The following RRBP1 variants were observed in gnomAD, a reference collection of about 807,000 sequenced individuals.
RRBP1 encodes the protein ribosome-binding protein 1.
In RRBP1, 94 loss-of-function variants were observed where a neutral mutation model predicts 165.2. That is an observed-to-expected ratio of 0.57 (90% CI 0.48 to 0.68). The LOEUF (loss-of-function observed/expected upper bound fraction) is 0.68. RRBP1 is among the 30% of genes least tolerant of loss of function. The pLI, the probability that RRBP1 is intolerant of heterozygous loss-of-function variation, is 0.00. For missense variants in RRBP1, 1,676 were observed against 1,763.0 expected (o/e 0.95, Z 0.88); for synonymous variants, 680 against 714.5 (o/e 0.95, Z 0.77).
chr20:17,641,633 T>C, intron 5 of RRBP1, 164 bp downstream of exon 5: 1 of 853,366 alleles, frequency 1.2e-6, no homozygotes, highest in East Asian at 2.5e-5. Flanking sequence ...GGCCCTTGGC[T>C]CTTTAGGCAG....
chr20:17,663,226 C>G (rs1454474238), intron 2 of RRBP1, among the ~76,000 whole-genome samples: 1 of 152,182 alleles, frequency 6.6e-6, no homozygotes, highest in Non-Finnish European at 1.5e-5. Flanking sequence ...TGTTCACAGC[C>G]GAGGACTGTG....
In RRBP1 at chr20:17,659,044, C is replaced by T; in HGVS notation, c.1464G>A (p.Gln488=). The change falls in exon 3 of 25, where the codon CAG becomes CAA. Residue 488 remains glutamine (Q), a synonymous_variant. Coordinates refer to ENST00000377813, the MANE Select transcript of RRBP1 (RefSeq NM_001365613.2). ...TCTGAGCCCCCTCGGCCTTCTTGCCCTGGTTCTGGGCCCCCTCAGCCTTCT... is the reference window on the plus strand; with the variant it reads ...TCTGAGCCCCCTCGGCCTTCTTGCCTTGGTTCTGGGCCCCCTCAGCCTTCT... ...QGKKAEGAQN[Q]GKKAEGAQNQ... The T allele has an allele frequency of 6.4e-7, 1 of 1,560,278 alleles. No homozygotes were observed.
At chr20:17,661,150 A>G (rs2036759057) in intron 2 of RRBP1, among the ~76,000 whole-genome samples, 1 of 152,236 alleles carries the variant, frequency 6.6e-6, no homozygotes, top group Admixed American at 6.5e-5. Context: ...GCAGGCCCAC[A>G]GTGTGCCATC....
In RRBP1 at chr20:17,613,904, G is replaced by A. The variant is rs1002523300; in HGVS notation, c.*278C>T. On this transcript the variant is annotated 3_prime_UTR_variant, in exon 25 of 25. Transcript: ENST00000377813. ...AGCGCCCGGCCTCCCACACACCCACGGGGCTGTCAGAGTCAACCAGGGCTT... is the reference window on the plus strand; with the variant it reads ...AGCGCCCGGCCTCCCACACACCCACAGGGCTGTCAGAGTCAACCAGGGCTT... 18 of 348,588 alleles carry A rather than the reference G, an allele frequency of 5.2e-5. No individual in the cohort carries two copies. The highest frequency in any genetic ancestry group is 3.3e-4 in the Admixed American group (8 of 24,134). 21.6% of individuals were successfully genotyped at this position (348,588 alleles called of 1,614,324 possible). A position where few individuals can be genotyped will look rare whatever the true frequency, so the allele number is the denominator to read the frequency against.
chr20:17,625,612 CACA>C lies in RRBP1; in HGVS notation c.2964-13_2964-11del. On this transcript the variant is annotated splice_polypyrimidine_tract_variant and intron_variant, in intron 11 of 24. Coordinates refer to ENST00000377813, the MANE Select transcript of RRBP1 (RefSeq NM_001365613.2). Reference sequence around the variant, plus strand: ...CTCCAGCTCCTTGAGGCTGAAGGGACACAACGAGGTCACCGCCTAGGCTCCAAG... The same window carrying C: ...CTCCAGCTCCTTGAGGCTGAAGGGACACGAGGTCACCGCCTAGGCTCCAAG... 6.2e-7 allele frequency: 1 copy of C among 1,612,282 alleles called. No individual in the cohort carries two copies. The highest frequency in any genetic ancestry group is 1.3e-5 in the African/African-American group (1 of 75,014).
chr20:17,637,863 C>A (rs562879091), intron 5 of RRBP1, among the ~76,000 whole-genome samples: 92 of 151,878 alleles, frequency 6.1e-4, no homozygotes, highest in African/African-American at 2.2e-3. Flanking sequence ...AAGTGGGGGG[C>A]GGGATGAGCT....
At chr20:17,628,653 G>A (rs1488901090) in intron 9 of RRBP1, among the ~76,000 whole-genome samples, 1 of 152,220 alleles carries the variant, frequency 6.6e-6, no homozygotes, top group African/African-American at 2.4e-5. Flanking sequence ...TCTCCTTCCA[G>A]CCACACTTGT....
Position 17,660,325 on chromosome 20 carries a change from C to G in RRBP1, c.183G>C (p.Lys61Asn), listed in dbSNP as rs749674847. ...CTTTCTTCTCCACTGTTTTCTCCTTCTTTTTCTTCTCGACTTTCTGGTGGT... is the reference window on the plus strand; with the variant it reads ...CTTTCTTCTCCACTGTTTTCTCCTTGTTTTTCTTCTCGACTTTCTGGTGGT... ...KTHHQKVEKK[K>N]KEKTVEKKGK... Residue 61 changes from lysine to asparagine, a missense_variant, in exon 3 of 25, where the codon AAG becomes AAC. Physicochemically the swap from Lys to Asn is moderately conservative, Grantham distance 94. Transcript: ENST00000377813. 1 of 1,612,524 alleles carries G rather than the reference C, an allele frequency of 6.2e-7. No homozygotes were observed. The highest frequency in any genetic ancestry group is 8.5e-7 in the Non-Finnish European group (1 of 1,179,196).
chr20:17,656,255 T>C (rs2036644254), intron 3 of RRBP1, among the ~76,000 whole-genome samples: 1 of 152,204 alleles, frequency 6.6e-6, no homozygotes, highest in Non-Finnish European at 1.5e-5. Context: ...GCGGGCGGCA[T>C]GTTGGTGGCA....
At position 17,614,845 on chromosome 20, in the gene RRBP1, G is replaced by A. The variant is rs945728113; in HGVS notation, c.4086C>T (p.Asp1362=). 1.2e-6 allele frequency: 2 copies of A among 1,613,794 alleles called. No individual in the cohort carries two copies. Among genetic ancestry groups the A allele is most frequent in the Non-Finnish European group, 1.7e-6 (2 of 1,180,012 alleles). ...GCAGTCTCGTGGCGGCGCGCCCCAG[G>A]TCACTTGTTAACTTCTTCTCTTTTT... is the stretch of plus-strand genomic sequence containing the variant. ...RLEKEKKLTS[D]LGRAATRLQE... is the part of the protein sequence containing the mutation. The change falls in exon 24 of 25, where the codon GAC becomes GAT. Residue 1362 remains aspartate, a synonymous_variant. Coordinates refer to ENST00000377813, the MANE Select transcript of RRBP1 (RefSeq NM_001365613.2).
At chr20:17,634,664 G>C (rs2036215652) in intron 7 of RRBP1, among the ~76,000 whole-genome samples, 1 of 152,240 alleles carries the variant, frequency 6.6e-6, no homozygotes, top group African/African-American at 2.4e-5. Flanking sequence ...CATTAAGGAG[G>C]CCACAGCAGA....
rs2036046835 is a variant in RRBP1, at chr20:17,627,381, G to A, written c.2930C>T (p.Ala977Val). Residue 977 changes from alanine to valine, a missense_variant and splice_region_variant, in exon 11 of 25, where the codon GCC becomes GTC. This residue lies in a region of RRBP1 where 1,184 missense variants were observed against 1,167.1 expected (regional missense o/e 1.01). Coordinates refer to ENST00000377813, the MANE Select transcript of RRBP1 (RefSeq NM_001365613.2). ...CTGCTGGTCAGCCTCCGCCTGGCTG[G>A]CCTGGAATGAGAGACAAAAGCTCCT... ...GQARDAQDVQ[A>V]SQAEADQQQT... The A allele has an allele frequency of 6.2e-7, 1 of 1,613,984 alleles. No homozygotes were observed. Among genetic ancestry groups the A allele is most frequent in the Non-Finnish European group, 8.5e-7 (1 of 1,179,936 alleles).
intron 3 of RRBP1, among the ~76,000 whole-genome samples, chr20:17,649,055 T>C (rs1390633278): frequency 6.6e-6 from 1 of 152,200 alleles, no homozygotes; most frequent in Non-Finnish European, 1.5e-5. Context: ...CTCACACTGA[T>C]ACTTGGCTCG....
rs2036395558 is a variant in RRBP1 at position 17,643,033 on chromosome 20, C to T, written c.2007G>A (p.Arg669=). ...SMVFNEGEAQ[R]LIEILSEKAG... ...CCTTCTCAGACAGGATCTCGATGAG[C>T]CGCTGGGCCTCGCCCTCGTTGAACA... The change falls in exon 4 of 25, where the codon CGG becomes CGA. Residue 669 remains arginine, a synonymous_variant. Coordinates refer to ENST00000377813, the MANE Select transcript of RRBP1 (RefSeq NM_001365613.2). This position sits in a 1 kb window ranked among gnomAD's most constrained non-coding sequence, Gnocchi z 4.3. 2 of 1,614,106 alleles carry T rather than the reference C, an allele frequency of 1.2e-6. No homozygotes were observed. The highest frequency in any genetic ancestry group is 2.2e-5 in the South Asian group (2 of 91,080).
intron 23 of RRBP1, 47 bp downstream of exon 23, chr20:17,615,384 C>T (rs1667325312): frequency 1.3e-6 from 2 of 1,485,678 alleles, no homozygotes; most frequent in Non-Finnish European, 1.8e-6. Context: ...GGCGCCAGCC[C>T]CAGAGCAGAC....
Position 17,629,960 on chromosome 20 carries a change from G to A in RRBP1, c.2612C>T (p.Ala871Val), listed in dbSNP as rs571988938. 2.8e-5 allele frequency: 44 copies of A among 1,594,640 alleles called. No homozygotes were observed. In the Middle Eastern group the frequency reaches 5.0e-4, roughly 18 times the overall value. Reference sequence around the variant, plus strand: ...GGCCTCCTCACTCTCCCTGTGGGACGCCTGGGGACGGGCAGGGGAGTGGGG... The same window carrying A: ...GGCCTCCTCACTCTCCCTGTGGGACACCTGGGGACGGGCAGGGGAGTGGGG... The part of the protein sequence containing the change: ...AFEKQVLQLQ[A>V]SHRESEEALQ... Residue 871 changes from alanine to valine, a missense_variant and splice_region_variant, in exon 9 of 25, where the codon GCG becomes GTG. Transcript: ENST00000377813.
At chr20:17,625,464 C>G (rs753022688) in intron 12 of RRBP1, 48 bp downstream of exon 12, 1 of 1,546,814 alleles carries the variant, frequency 6.5e-7, no homozygotes, top group South Asian at 1.1e-5. Context: ...CCGGCCCCAC[C>G]TGTGCTTCCC....
intron 2 of RRBP1, among the ~76,000 whole-genome samples, chr20:17,679,500 G>GTGTC (rs1443815118): frequency 6.6e-6 from 1 of 152,146 alleles, no homozygotes; most frequent in Admixed American, 6.5e-5. Context: ...GATCCTCTAT[G>GTGTC]TGTCATTCAT....
intron 17 of RRBP1, 38 bp from the exon 18 acceptor site, chr20:17,620,408 C>T: frequency 6.4e-7 from 1 of 1,551,718 alleles, no homozygotes; most frequent in Non-Finnish European, 8.9e-7. Flanking sequence ...GACACGAGCA[C>T]CTGGGGGTGT....
Sources: gnomAD v4.1 joint callset for allele counts (sites outside exome capture counted in the v4.1 genomes callset) on GRCh38, gnomAD v4.1.1 for gene constraint, gnomAD v4.1.1 regional missense constraint, Gnocchi (gnomAD v3.1) non-coding constraint, MANE v1.5 for transcripts, NCBI Gene and HGNC (gene_info 2026-07-23, HGNC 2026-07-21) for gene names.